WSB1: variants seen among roughly 807,000 people sequenced by gnomAD.
WSB1 encodes WD repeat and SOCS box containing 1.
WSB1 carries 23 observed loss-of-function variants against 50.2 expected under a neutral mutation model. That is an observed-to-expected ratio of 0.46 (90% confidence interval 0.33 to 0.65). The LOEUF (loss-of-function observed/expected upper bound fraction) is 0.65, where lower values mean the gene tolerates loss of function less well. WSB1 is among the 30% of genes least tolerant of loss of function. The probability of loss-of-function intolerance (pLI) is 0.02; values close to 1 mark genes in which losing one functional copy is unlikely to be tolerated. For synonymous variants in WSB1, 179 were observed against 172.0 expected (o/e 1.04, Z -0.32); for missense variants, 492 against 522.3 (o/e 0.94, Z 0.56).
In WSB1 at chr17:27,294,151, C is replaced by G. The variant is rs149278387; in HGVS notation, c.-245C>G. The G allele has an allele frequency of 2.2e-3, 800 of 357,064 alleles. 7 individuals are homozygous for G. Among genetic ancestry groups the G allele is most frequent in the African/African-American group, 0.015 (719 of 47,520 alleles). The allele number at this position is 357,064 out of a possible 1,614,324, so 22.1% of individuals were successfully genotyped here. On this transcript the variant is annotated 5_prime_UTR_variant, in exon 1 of 9. Coordinates refer to ENST00000262394, the MANE Select transcript of WSB1 (RefSeq NM_015626.10). The stretch of plus-strand genomic sequence containing the variant: ...GCAGTCGGCGCTTTAGGGGAACTGT[C>G]TTCCTCCGCAGGCGCGAGGCTGGGT...
At chr17:27,298,160 A>G (rs559876768) in intron 1 of WSB1, among the ~76,000 whole-genome samples, 1 of 148,564 alleles carries the variant, frequency 6.7e-6, no homozygotes, top group African/African-American at 2.5e-5. Flanking sequence ...GTCACGTATG[A>G]AAAATTTAAG....
intron 1 of WSB1, 170 bp from the exon 2 acceptor site, chr17:27,301,618 T>A: frequency 4.1e-6 from 2 of 485,766 alleles, no homozygotes; most frequent in Non-Finnish European, 7.0e-6. Context: ...TCATTATCGT[T>A]AAGGGGTCTT....
chr17:27,307,176 T>A, intron 5 of WSB1: 1 of 283,028 alleles, frequency 3.5e-6, no homozygotes, highest in Non-Finnish European at 6.6e-6. Flanking sequence ...AGTCTATATG[T>A]TAAGACATTC....
chr17:27,308,800 T>C (rs2017557268), intron 5 of WSB1: 2 of 1,014,066 alleles, frequency 2.0e-6, no homozygotes, highest in African/African-American at 3.4e-5. Context: ...TAATTAGTTT[T>C]TGGAATAAAT....
At chr17:27,311,113 A>G (rs775896670) in intron 7 of WSB1, among the ~76,000 whole-genome samples, 1 of 152,160 alleles carries the variant, frequency 6.6e-6, no homozygotes, top group Non-Finnish European at 1.5e-5. Flanking sequence ...CGGCCTCCCA[A>G]AGTGGTGGGA....
At chr17:27,301,110 GTGATCCGCT>G (rs2150831698) in intron 1 of WSB1, among the ~76,000 whole-genome samples, 1 of 152,272 alleles carries the variant, frequency 6.6e-6, no homozygotes, top group African/African-American at 2.4e-5. Context: ...CAGACCTCAA[GTGATCCGCT>G]TGTCTTGGCC....
chr17:27,306,846 C>A lies in WSB1; in HGVS notation c.675C>A (p.Asp225Glu). The A allele has an allele frequency of 6.2e-7, 1 of 1,614,166 alleles. No individual in the cohort carries two copies. The highest frequency in any genetic ancestry group is 8.5e-7 in the Non-Finnish European group (1 of 1,180,018). ...TGTACAGCTGTGCATTCTCTCCTGA[C>A]TCTTCTATGCTGTGTTCAGTCGGAG... Reference protein sequence around the residue: ...NWVYSCAFSPDSSMLCSVGAS... With the variant: ...NWVYSCAFSPESSMLCSVGAS... The change falls in exon 5 of 9, where the codon GAC becomes GAA. Residue 225 changes from aspartate to glutamate, a missense_variant. Physicochemically the swap from Asp to Glu is conservative, Grantham distance 45. Transcript: ENST00000262394.
chr17:27,303,921 GT>G (rs1401477393), intron 3 of WSB1, among the ~76,000 whole-genome samples: 1 of 152,188 alleles, frequency 6.6e-6, no homozygotes, highest in Non-Finnish European at 1.5e-5. Context: ...TAGTTATTTA[GT>G]TAATGACTCA....
chr17:27,309,155 A>C lies in WSB1; in HGVS notation c.767A>C (p.His256Pro). ...ATGATACGGAAACTAGAAGGACATCACCATGATGTGGTAGCTTGTGACTTT... is the reference window on the plus strand; with the variant it reads ...ATGATACGGAAACTAGAAGGACATCCCCATGATGTGGTAGCTTGTGACTTT... ...YTMIRKLEGHHHDVVACDFSP... is the reference protein window; with the variant it reads ...YTMIRKLEGHPHDVVACDFSP... Residue 256 changes from histidine (H) to proline (P), a missense_variant, in exon 6 of 9, where the codon CAC (histidine) becomes CCC (proline). His to Pro is a moderately conservative substitution (Grantham distance 77). Transcript: ENST00000262394. 1 of 1,613,314 alleles carries C rather than the reference A, an allele frequency of 6.2e-7. No individual in the cohort carries two copies. The highest frequency in any genetic ancestry group is 8.5e-7 in the Non-Finnish European group (1 of 1,179,672).
chr17:27,307,752 A>T (rs1372184929), intron 5 of WSB1: 3 of 1,534,620 alleles, frequency 2.0e-6, no homozygotes, highest in Admixed American at 4.0e-5. Context: ...AGGTGGTGGC[A>T]GCAATATTGG....
At chr17:27,309,306 T>C (rs771603766) in intron 6 of WSB1, 34 bp downstream of exon 6, 34 of 1,460,198 alleles carry the variant, frequency 2.3e-5, no homozygotes, top group Non-Finnish European at 4.6e-6. Context: ...AGTCTATAAT[T>C]CATCTCCACC....
At chr17:27,304,288 C>T (rs1036042972) in intron 3 of WSB1, among the ~76,000 whole-genome samples, 13 of 151,926 alleles carry the variant, frequency 8.6e-5, no homozygotes, top group Admixed American at 5.3e-4. Flanking sequence ...AAAGCTCTTA[C>T]ATTATTAGTT....
In WSB1 at chr17:27,311,551, A is replaced by G; in HGVS notation, c.1041A>G (p.Gln347=). ...FWRIDEDYPV[Q]VAPLSNGLCC... ...GAATTGATGAGGATTATCCAGTGCA[A>G]GTTGCACCTTTGAGCAATGGTCTTT... The change falls in exon 8 of 9, where the codon CAA becomes CAG. Residue 347 remains glutamine (Q), a synonymous_variant. Coordinates refer to ENST00000262394, the MANE Select transcript of WSB1 (RefSeq NM_015626.10). 1 of 1,612,112 alleles carries G rather than the reference A, an allele frequency of 6.2e-7. No individual in the cohort carries two copies. Among genetic ancestry groups the G allele is most frequent in the Non-Finnish European group, 8.5e-7 (1 of 1,179,394 alleles).
rs754275782 is a variant in WSB1, at chr17:27,311,589, C to A, written c.1079C>A (p.Ser360Tyr). The change falls in exon 8 of 9, where the codon TCT becomes TAT. Residue 360 changes from serine to tyrosine, a missense_variant. By Grantham distance (144) the Ser-to-Tyr change is moderately radical. Coordinates refer to ENST00000262394, the MANE Select transcript of WSB1 (RefSeq NM_015626.10). ...AGCAATGGTCTTTGCTGTGCCTTCT[C>A]TACTGATGGCAGTGTTTTAGCTGCT... ...PLSNGLCCAF[S>Y]TDGSVLAAGT... The A allele has an allele frequency of 1.3e-6, 2 of 1,582,646 alleles. No homozygotes were observed. The highest frequency in any genetic ancestry group is 1.7e-6 in the Non-Finnish European group (2 of 1,158,948).
chr17:27,312,082 C>A, intron 8 of WSB1, 128 bp from the exon 9 acceptor site: 4 of 1,209,996 alleles, frequency 3.3e-6, no homozygotes. Flanking sequence ...TTAGTTCTTC[C>A]TGGTTGGGTT....
At chr17:27,311,449 A>G (rs2017673202) in intron 7 of WSB1, 60 bp from the exon 8 acceptor site, 1 of 1,413,348 alleles carries the variant, frequency 7.1e-7, no homozygotes, top group Non-Finnish European at 9.7e-7. Context: ...CTAAATTTTA[A>G]AAAAGTTGCT....
intron 5 of WSB1, chr17:27,308,634 A>G (rs2017552087): frequency 1.0e-6 from 1 of 986,042 alleles, no homozygotes. Flanking sequence ...CCTATTGTAA[A>G]CAAGTGATTA....
At chr17:27,297,734 G>T (rs2017039997) in intron 1 of WSB1, among the ~76,000 whole-genome samples, 2 of 152,180 alleles carry the variant, frequency 1.3e-5, no homozygotes, top group Admixed American at 6.5e-5. Flanking sequence ...GGGATTACCA[G>T]TGTGCCTGTC....
chr17:27,310,217 T>G (rs1175901356), intron 7 of WSB1, 43 bp downstream of exon 7: 2 of 1,575,342 alleles, frequency 1.3e-6, no homozygotes, highest in Middle Eastern at 1.7e-4. Context: ...CTATTACCTT[T>G]TACATTCTTA....
Sources: allele counts gnomAD v4.1 joint callset (sites outside exome capture counted in the v4.1 genomes callset), GRCh38; gene constraint gnomAD v4.1.1; transcripts MANE v1.5; gene names NCBI Gene and HGNC (gene_info 2026-07-23, HGNC 2026-07-21).